RECQL5: variants seen among roughly 807,000 people sequenced by gnomAD.
RECQL5 encodes the protein ATP-dependent DNA helicase Q5.
RECQL5 carries 88 observed loss-of-function variants against 103.4 expected under a neutral mutation model. The observed-to-expected ratio is 0.85, with a 90% CI of 0.72 to 1.02. The LOEUF (loss-of-function observed/expected upper bound fraction) is 1.02, where lower values mean the gene tolerates loss of function less well. Among genes scored for constraint, RECQL5 ranks in the 50% least tolerant of loss-of-function variants. RECQL5 has a pLI of 0.00. For missense variants in RECQL5, 1,232 were observed against 1,284.3 expected (o/e 0.96, Z 0.62); for synonymous variants, 552 against 507.9 (o/e 1.09, Z -1.17).
At chr17:75,656,779 C>T (rs1232245201) in intron 7 of RECQL5, among the ~76,000 whole-genome samples, 3 of 135,002 alleles carry the variant, frequency 2.2e-5, no homozygotes, top group African/African-American at 8.4e-5. Context: ...GAGTCTCACT[C>T]TGTCCCCCAG....
rs1201031241 is a variant in RECQL5, at chr17:75,666,388, G to A, written c.130+40C>T. 2.5e-6 allele frequency: 4 copies of A among 1,611,952 alleles called. No homozygotes were observed. In the African/African-American group the frequency reaches 5.3e-5, roughly 21 times the overall value. On this transcript the variant is annotated intron_variant, in intron 2 of 19. Transcript: ENST00000317905. Reference sequence around the variant, plus strand: ...TGTTCTGCCGCAGCGTTATGGTATAGCCAGCATAAATTTAAAGGAAGGTAG... The same window carrying A: ...TGTTCTGCCGCAGCGTTATGGTATAACCAGCATAAATTTAAAGGAAGGTAG...
At chr17:75,662,064 G>C (rs1181446790) in intron 4 of RECQL5, among the ~76,000 whole-genome samples, 4 of 152,214 alleles carry the variant, frequency 2.6e-5, no homozygotes, top group Non-Finnish European at 5.9e-5. Context: ...GGGAGGCTGA[G>C]GCAGGAGAAT....
intron 8 of RECQL5, chr17:75,634,125 C>G (rs556328743): frequency 2.0e-6 from 2 of 985,378 alleles, no homozygotes; most frequent in African/African-American, 3.5e-5. Flanking sequence ...GCGGCGCCCA[C>G]GAAGGAAGTA....
chr17:75,640,183 A>G lies in RECQL5; in HGVS notation c.1230-8515T>C. The stretch of plus-strand genomic sequence containing the variant: ...CCCAGCAGAGCCCGGCAGGAGCCCC[A>G]ACAGGAAGCCAGCGCGGCATGGCTG... On this transcript the variant is annotated intron_variant, in intron 8 of 19. Transcript: ENST00000317905. This position sits in a 1 kb window ranked among gnomAD's most constrained non-coding sequence, Gnocchi z 4.6. 6.5e-7 allele frequency: 1 copy of G among 1,538,616 alleles called. No individual in the cohort carries two copies. The highest frequency in any genetic ancestry group is 8.8e-7 in the Non-Finnish European group (1 of 1,142,162).
chr17:75,650,512 T>C, intron 8 of RECQL5: 5 of 1,423,974 alleles, frequency 3.5e-6, no homozygotes, highest in Non-Finnish European at 4.6e-6. Flanking sequence ...CCTCAATTTA[T>C]TCACCTCTAA....
At chr17:75,647,053 T>C (rs1453212273) in intron 8 of RECQL5, among the ~76,000 whole-genome samples, 1 of 152,186 alleles carries the variant, frequency 6.6e-6, no homozygotes, top group African/African-American at 2.4e-5. Context: ...GTCTCAGGGA[T>C]GAGAGAGAGT....
chr17:75,630,908 G>T (rs1304925992), intron 11 of RECQL5, 66 bp downstream of exon 11: 1 of 1,591,776 alleles, frequency 6.3e-7, no homozygotes, highest in African/African-American at 1.4e-5. Context: ...CCACAGCCCG[G>T]ATGAGAATCC....
At chr17:75,652,788 C>T (rs1401185312) in intron 7 of RECQL5, among the ~76,000 whole-genome samples, 1 of 152,200 alleles carries the variant, frequency 6.6e-6, no homozygotes, top group Non-Finnish European at 1.5e-5. Flanking sequence ...TTTCTGTCCC[C>T]CACCCCACTT....
intron 8 of RECQL5, among the ~76,000 whole-genome samples, chr17:75,634,375 C>T (rs1291102854): frequency 1.3e-5 from 2 of 152,224 alleles, no homozygotes; most frequent in East Asian, 3.8e-4. Context: ...CTGCACTCTC[C>T]CTGCTGCTGG....
chr17:75,643,031 C>T lies in RECQL5; in HGVS notation c.1229+8155G>A, dbSNP rs552431179. ...ACCCCAAACTCTGTCTCAAAATAAC[C>T]TTCGCAGGACTGGGTGGGACCCAAC... is the stretch of plus-strand genomic sequence containing the variant. On this transcript the variant is annotated intron_variant, in intron 8 of 19. Transcript: ENST00000317905. Among the ~76,000 whole-genome samples, 91 of 152,370 alleles carry T rather than the reference C, an allele frequency of 6.0e-4. 1 individual carries two copies. The South Asian group carries it at 0.015, about 25-fold the overall frequency.
intron 3 of RECQL5, among the ~76,000 whole-genome samples, chr17:75,664,424 G>T (rs1195440015): frequency 6.6e-6 from 1 of 152,192 alleles, no homozygotes; most frequent in Non-Finnish European, 1.5e-5. Flanking sequence ...GCACGTGTGT[G>T]TATACATGAG....
In RECQL5 at chr17:75,662,524, C is replaced by A; in HGVS notation, c.726G>T (p.Leu242=). 3 of 1,614,186 alleles carry A rather than the reference C, an allele frequency of 1.9e-6. No individual in the cohort carries two copies. The highest frequency in any genetic ancestry group is 2.5e-6 in the Non-Finnish European group (3 of 1,180,034). ...CAAGAGCCTTAAGGCAGAAGTCCTT[C>A]AGGTTCCCATAGGGATCAGAAATCA... The part of the protein sequence containing the change: ...KELISDPYGN[L]KDFCLKALGQ... Residue 242 remains leucine (L), a synonymous_variant, in exon 4 of 20, where the codon CTG becomes CTT. Transcript: ENST00000317905.
chr17:75,627,776 T>C, intron 18 of RECQL5, 84 bp from the exon 19 acceptor site: 1 of 1,263,406 alleles, frequency 7.9e-7, no homozygotes, highest in Non-Finnish European at 1.1e-6. Flanking sequence ...TCCCAGCACT[T>C]TGGGAGGCCG....
Position 75,640,173 on chromosome 17 carries a change from C to T in RECQL5, c.1230-8505G>A. 1 of 1,530,134 alleles carries T rather than the reference C, an allele frequency of 6.5e-7. No homozygotes were observed. The highest frequency in any genetic ancestry group is 8.8e-7 in the Non-Finnish European group (1 of 1,138,946). The allele number at this position is 1,530,134 out of a possible 1,614,324, so 94.8% of individuals were successfully genotyped here. On this transcript the variant is annotated intron_variant, in intron 8 of 19. Transcript: ENST00000317905. This position sits in a 1 kb window ranked among gnomAD's most constrained non-coding sequence, Gnocchi z 4.6. ...TTCTCTCTGCCCCAGCAGAGCCCGG[C>T]AGGAGCCCCAACAGGAAGCCAGCGC...
intron 14 of RECQL5, 81 bp downstream of exon 14, chr17:75,630,103 C>G: frequency 7.8e-7 from 1 of 1,277,636 alleles, no homozygotes; most frequent in Non-Finnish European, 1.1e-6. Context: ...TGCCTGAGCC[C>G]AGAGAGCTGG....
At chr17:75,643,561 C>G (rs1043807484) in intron 8 of RECQL5, among the ~76,000 whole-genome samples, 2 of 152,254 alleles carry the variant, frequency 1.3e-5, no homozygotes, top group African/African-American at 4.8e-5. Flanking sequence ...TGCTCTCCGA[C>G]AGCAGCCTGG....
intron 12 of RECQL5, 36 bp from the exon 13 acceptor site, chr17:75,630,728 G>A (rs1320867754): frequency 5.0e-6 from 8 of 1,606,386 alleles, no homozygotes; most frequent in Middle Eastern, 1.7e-4. Context: ...GCATGGCCTC[G>A]CGGCTGGGGG....
At chr17:75,635,790 C>T (rs967925883) in intron 8 of RECQL5, 184 of 985,336 alleles carry the variant, frequency 1.9e-4, no homozygotes, top group Non-Finnish European at 2.1e-4. Flanking sequence ...TGGGGCCCCG[C>T]GCTGCCAACA....
At position 75,630,284 on chromosome 17, in the gene RECQL5, G is replaced by A. The variant is rs773813573; in HGVS notation, c.1719-7C>T. On this transcript the variant is annotated splice_polypyrimidine_tract_variant and splice_region_variant and intron_variant, in intron 13 of 19. Transcript: ENST00000317905. ...CTTGGCCCGGAGGTCAGCTCTGTGG[G>A]TGCAAGGTAACAGGCACAAGGTATC... 5 of 1,549,846 alleles carry A rather than the reference G, an allele frequency of 3.2e-6. No homozygotes were observed. The highest frequency in any genetic ancestry group is 2.7e-5 in the African/African-American group (2 of 73,226).
Sources: allele counts gnomAD v4.1 joint callset (sites outside exome capture counted in the v4.1 genomes callset), GRCh38; gene constraint gnomAD v4.1.1; non-coding constraint Gnocchi (gnomAD v3.1); transcripts MANE v1.5; gene names NCBI Gene and HGNC (gene_info 2026-07-23, HGNC 2026-07-21).